TTC7A: variants seen among roughly 807,000 people sequenced by gnomAD.
The protein encoded by TTC7A is tetratricopeptide repeat protein 7A.
In TTC7A, 110 loss-of-function variants were observed where a neutral mutation model predicts 103.7. The ratio of observed to expected loss-of-function variants is 1.06; its 90% CI spans 0.91 to 1.24. The LOEUF is 1.24. TTC7A is among the 50% of genes most tolerant of loss of function. The probability of loss-of-function intolerance (pLI) is 0.00; values close to 1 mark genes in which losing one functional copy is unlikely to be tolerated. For missense variants in TTC7A, 1,340 were observed against 1,116.3 expected, an observed-to-expected ratio of 1.20 and a Z score of -2.86; for synonymous variants, 521 against 467.9, an observed-to-expected ratio of 1.11 and a Z score of -1.47.
At chr2:47,004,389 G>A (rs1375129539) in intron 8 of TTC7A, among the ~76,000 whole-genome samples, 2 of 152,190 alleles carry the variant, frequency 1.3e-5, no homozygotes, top group Admixed American at 1.3e-4. Flanking sequence ...CAGGGGCTTG[G>A]GCTTCTGCCT....
intron 5 of TTC7A, among the ~76,000 whole-genome samples, chr2:46,989,159 A>G (rs985956565): frequency 6.6e-6 from 1 of 152,124 alleles, no homozygotes; most frequent in Admixed American, 6.5e-5. Context: ...CCCTAAGATG[A>G]ACCGTGTCCT....
At chr2:46,929,934 T>A (rs1290048768) in intron 2 of TTC7A, among the ~76,000 whole-genome samples, 1 of 152,162 alleles carries the variant, frequency 6.6e-6, no homozygotes, top group Non-Finnish European at 1.5e-5. Flanking sequence ...TTGTCAATGT[T>A]TTAGACAGTG....
chr2:47,037,466 GT>G (rs1477097910), intron 15 of TTC7A, among the ~76,000 whole-genome samples: 1 of 152,210 alleles, frequency 6.6e-6, no homozygotes, highest in Non-Finnish European at 1.5e-5. Flanking sequence ...TGGTTGCTCT[GT>G]TTTTTGGTCT....
intron 15 of TTC7A, among the ~76,000 whole-genome samples, chr2:47,040,941 C>G (rs149800187): frequency 2.0e-5 from 3 of 152,332 alleles, no homozygotes; most frequent in Non-Finnish European, 4.4e-5. Flanking sequence ...GTGACCATTG[C>G]TCTTCTGGAA....
intron 2 of TTC7A, among the ~76,000 whole-genome samples, chr2:46,927,355 ATT>A (rs60808815): frequency 0.042 from 5,524 of 132,736 alleles, 99 homozygotes; most frequent in Middle Eastern, 0.09. Flanking sequence ...AGAAAAAAAG[ATT>A]TTTTTTTTTT....
At chr2:47,026,259 G>A (rs549587613) in intron 14 of TTC7A, among the ~76,000 whole-genome samples, 15 of 152,208 alleles carry the variant, frequency 9.9e-5, no homozygotes, top group Non-Finnish European at 1.9e-4. Flanking sequence ...ATTTGGATAC[G>A]TAGCCCAGGA....
At chr2:46,980,975 G>A (rs1674393707) in intron 5 of TTC7A, among the ~76,000 whole-genome samples, 1 of 152,208 alleles carries the variant, frequency 6.6e-6, no homozygotes, top group African/African-American at 2.4e-5. Flanking sequence ...AGCGTCCAGG[G>A]CCCCTCTGGG....
upstream of TTC7A, chr2:46,941,188 C>A (rs6754439): frequency 0.048 from 7,109 of 147,432 alleles, 277 homozygotes; most frequent in East Asian, 0.091. This position sits in a 1 kb window ranked among gnomAD's most constrained non-coding sequence, Gnocchi z 4.2. Context: ...AGGGGCGGGT[C>A]CGCAGCTGGC....
At chr2:46,940,213 G>GAC (rs1378573614), upstream of TTC7A, among the ~76,000 whole-genome samples, 1 of 152,116 alleles carries the variant, frequency 6.6e-6, no homozygotes, top group Non-Finnish European at 1.5e-5. The surrounding 1 kb of genome is among the most constrained non-coding windows in gnomAD (Gnocchi z 4.7). Flanking sequence ...CAGTGGTGAA[G>GAC]ACTCCAGAGG....
intron 3 of TTC7A, 33 bp from the exon 4 acceptor site, chr2:46,974,940 G>A: frequency 6.2e-7 from 1 of 1,609,406 alleles, no homozygotes; most frequent in Non-Finnish European, 8.5e-7. Flanking sequence ...GGCCCGAGCA[G>A]GACAGGTCTG....
chr2:46,974,395 C>G (rs1194242499), intron 3 of TTC7A, among the ~76,000 whole-genome samples: 1 of 152,204 alleles, frequency 6.6e-6, no homozygotes, highest in Admixed American at 6.5e-5. Flanking sequence ...GTAAAGTGAG[C>G]ATTGCTTCAA....
intron 18 of TTC7A, among the ~76,000 whole-genome samples, chr2:47,052,379 G>C (rs1039265546): frequency 3.3e-5 from 5 of 152,224 alleles, no homozygotes; most frequent in African/African-American, 1.2e-4. Context: ...CCTGGCTCCA[G>C]AGTTCCACAG....
chr2:47,057,717 G>T (rs927421376), intron 18 of TTC7A, among the ~76,000 whole-genome samples: 1 of 152,138 alleles, frequency 6.6e-6, no homozygotes, highest in Admixed American at 6.5e-5. Context: ...TGACCCTGGG[G>T]GATTCTGCCA....
At chr2:46,959,070 A>G (rs1276163887) in intron 3 of TTC7A, among the ~76,000 whole-genome samples, 2 of 152,204 alleles carry the variant, frequency 1.3e-5, no homozygotes, top group Non-Finnish European at 2.9e-5. Context: ...CGGATCTCAC[A>G]GGAAGTGGCA....
chr2:47,042,053 G>A (rs182535778), intron 15 of TTC7A, among the ~76,000 whole-genome samples: 2 of 152,266 alleles, frequency 1.3e-5, no homozygotes, highest in Admixed American at 6.5e-5. Flanking sequence ...GGGTTCCTGC[G>A]GGTGGTAGAG....
intron 19 of TTC7A, 82 bp from the exon 20 acceptor site, chr2:47,073,620 G>A (rs1057142430): frequency 5.9e-5 from 71 of 1,209,816 alleles, no homozygotes; most frequent in African/African-American, 1.8e-4. Flanking sequence ...GCTGCCACCC[G>A]TGCACCTGTG....
At chr2:47,054,478 T>C (rs550313226) in intron 18 of TTC7A, among the ~76,000 whole-genome samples, 8 of 152,284 alleles carry the variant, frequency 5.3e-5, no homozygotes, top group Admixed American at 5.2e-4. Context: ...CTTAGTTATT[T>C]GACTGCCCCT....
intron 14 of TTC7A, among the ~76,000 whole-genome samples, chr2:47,025,160 C>A (rs11677097): frequency 6.6e-6 from 1 of 152,034 alleles, no homozygotes; most frequent in Non-Finnish European, 1.5e-5. Flanking sequence ...TCCAGGCCGG[C>A]GGAGGGAAGC....
rs148949529 is a variant in TTC7A at position 47,027,503 on chromosome 2, T to G, written c.1642-1721T>G. On this transcript the variant is annotated intron_variant, in intron 14 of 19. Coordinates refer to ENST00000319190, the MANE Select transcript of TTC7A (RefSeq NM_020458.4). ...GAAGATAGCATTTTTGCATGTACATTAGCTCTTTGAACCCTTCTGTGGAAA... is the reference window on the plus strand; with the variant it reads ...GAAGATAGCATTTTTGCATGTACATGAGCTCTTTGAACCCTTCTGTGGAAA... Among the ~76,000 whole-genome samples, 50 of 152,346 alleles carry G rather than the reference T, an allele frequency of 3.3e-4. No individual in the cohort carries two copies. In the East Asian group the frequency reaches 9.6e-3, roughly 29 times the overall value.
Sources: gnomAD v4.1 joint callset for allele counts (sites outside exome capture counted in the v4.1 genomes callset) on GRCh38, gnomAD v4.1.1 for gene constraint, Gnocchi (gnomAD v3.1) non-coding constraint, MANE v1.5 for transcripts, NCBI Gene and HGNC (gene_info 2026-07-23, HGNC 2026-07-21) for gene names.